The following SGMS1 variants were observed in gnomAD, a reference collection of about 807,000 sequenced individuals.
SGMS1 encodes phosphatidylcholine:ceramide cholinephosphotransferase 1.
In SGMS1, 13 loss-of-function variants were observed where a neutral mutation model predicts 46.2. The ratio of observed to expected loss-of-function variants is 0.28; its 90% CI spans 0.18 to 0.45. SGMS1 has a LOEUF of 0.45. SGMS1 is among the 20% of genes least tolerant of loss of function. The pLI is 1.00. For synonymous variants in SGMS1, 203 were observed against 187.8 expected, an observed-to-expected ratio of 1.08 and a Z score of -0.66; for missense variants, 324 against 519.9, an observed-to-expected ratio of 0.62 and a Z score of 3.66.
chr10:50,427,497 G>A (rs540737795), intron 6 of SGMS1, among the ~76,000 whole-genome samples: 3 of 152,292 alleles, frequency 2.0e-5, no homozygotes, highest in African/African-American at 7.2e-5. Context: ...ACTACAAATT[G>A]AGAACACAGC....
At chr10:50,430,916 AG>A (rs1210249643) in intron 6 of SGMS1, among the ~76,000 whole-genome samples, 1 of 152,066 alleles carries the variant, frequency 6.6e-6, no homozygotes, top group Non-Finnish European at 1.5e-5. Flanking sequence ...AACAAACATG[AG>A]TTTGTTGATA....
At chr10:50,524,821 G>C (rs1837887250) in intron 2 of SGMS1, among the ~76,000 whole-genome samples, 1 of 152,100 alleles carries the variant, frequency 6.6e-6, no homozygotes, top group African/African-American at 2.4e-5. Flanking sequence ...CCAGGCAAAA[G>C]GCCCAGAATG....
chr10:50,526,660 C>T (rs1180175309), intron 2 of SGMS1, among the ~76,000 whole-genome samples: 2 of 152,132 alleles, frequency 1.3e-5, no homozygotes, highest in African/African-American at 4.8e-5. Context: ...TTATTACTGC[C>T]AAATAATTTT....
At chr10:50,331,895 T>C (rs1431422655) in intron 7 of SGMS1, among the ~76,000 whole-genome samples, 1 of 152,174 alleles carries the variant, frequency 6.6e-6, no homozygotes, top group Non-Finnish European at 1.5e-5. Context: ...CCTCACTAGA[T>C]ACTAATCAGC....
At chr10:50,390,194 A>C (rs904123462) in intron 6 of SGMS1, among the ~76,000 whole-genome samples, 2 of 152,260 alleles carry the variant, frequency 1.3e-5, no homozygotes, top group Non-Finnish European at 2.9e-5. Context: ...CTACAAATAC[A>C]TGTAACGTCA....
chr10:50,459,652 C>A (rs1190721502), intron 5 of SGMS1, among the ~76,000 whole-genome samples: 1 of 152,214 alleles, frequency 6.6e-6, no homozygotes, highest in Non-Finnish European at 1.5e-5. Context: ...GATCTGCCCG[C>A]CTTGGTCTCC....
intron 2 of SGMS1, among the ~76,000 whole-genome samples, chr10:50,558,846 GAATAC>G (rs781378242): frequency 9.9e-5 from 15 of 152,178 alleles, no homozygotes; most frequent in Middle Eastern, 3.4e-3. Context: ...CCTACTGTAA[GAATAC>G]AATATGTAAT....
chr10:50,490,731 A>G (rs542901598), intron 3 of SGMS1, among the ~76,000 whole-genome samples: 1 of 152,266 alleles, frequency 6.6e-6, no homozygotes, highest in African/African-American at 2.4e-5. Flanking sequence ...CAACTTCTCC[A>G]ATTTCCTCAT....
At chr10:50,371,444 T>C (rs1848434554) in intron 6 of SGMS1, among the ~76,000 whole-genome samples, 1 of 152,242 alleles carries the variant, frequency 6.6e-6, no homozygotes, top group Non-Finnish European at 1.5e-5. Context: ...CATCTTTGAA[T>C]TATTGCAGTA....
At chr10:50,465,532 C>T (rs1444402675) in intron 4 of SGMS1, among the ~76,000 whole-genome samples, 1 of 151,954 alleles carries the variant, frequency 6.6e-6, no homozygotes, top group Non-Finnish European at 1.5e-5. Flanking sequence ...AAATTACAAA[C>T]CTGCTAGCAG....
intron 8 of SGMS1, among the ~76,000 whole-genome samples, chr10:50,320,410 C>T (rs368577944): frequency 4.5e-4 from 68 of 152,266 alleles, no homozygotes; most frequent in African/African-American, 1.5e-3. Context: ...CATTTGAATT[C>T]GTATCTGGCA....
At chr10:50,484,231 G>T (rs895340036) in intron 3 of SGMS1, among the ~76,000 whole-genome samples, 1 of 151,970 alleles carries the variant, frequency 6.6e-6, no homozygotes, top group Non-Finnish European at 1.5e-5. Flanking sequence ...TGACCCCAAA[G>T]AAATACAAAC....
intron 5 of SGMS1, among the ~76,000 whole-genome samples, chr10:50,444,269 G>A (rs563545425): frequency 6.6e-6 from 1 of 152,214 alleles, no homozygotes; most frequent in African/African-American, 2.4e-5. Context: ...AGATAAACAT[G>A]TAATAAAAGG....
chr10:50,479,439 A>C (rs1837456699), intron 3 of SGMS1, among the ~76,000 whole-genome samples: 1 of 152,194 alleles, frequency 6.6e-6, no homozygotes, highest in African/African-American at 2.4e-5. Context: ...GGCAAAACAG[A>C]AATCTAGCAA....
intron 6 of SGMS1, among the ~76,000 whole-genome samples, chr10:50,371,201 T>C (rs548190956): frequency 6.6e-6 from 1 of 152,356 alleles, no homozygotes; most frequent in African/African-American, 2.4e-5. Context: ...GGTTTTTTCA[T>C]CTGTGTTATA....
chr10:50,405,156 C>T (rs951317112), intron 6 of SGMS1, among the ~76,000 whole-genome samples: 5 of 152,168 alleles, frequency 3.3e-5, no homozygotes, highest in African/African-American at 4.8e-5. Context: ...GATGTACATG[C>T]ACCATTTTTA....
At chr10:50,534,386 G>A (rs1382421001) in intron 2 of SGMS1, among the ~76,000 whole-genome samples, 5 of 152,206 alleles carry the variant, frequency 3.3e-5, no homozygotes, top group Admixed American at 2.6e-4. Context: ...TCAAAGGAAT[G>A]TAAATTGAAC....
chr10:50,327,692 C>T (rs1351805345), intron 7 of SGMS1, among the ~76,000 whole-genome samples: 2 of 152,258 alleles, frequency 1.3e-5, no homozygotes, highest in East Asian at 1.9e-4. Context: ...TTTTTGCTGT[C>T]ATCAAAGGAA....
intron 3 of SGMS1, among the ~76,000 whole-genome samples, chr10:50,506,248 T>C (rs1214866683): frequency 6.6e-6 from 1 of 152,208 alleles, no homozygotes; most frequent in Non-Finnish European, 1.5e-5. Flanking sequence ...ATTTCTGTAA[T>C]TTAATGTCTG....
Sources: allele counts gnomAD v4.1 joint callset (sites outside exome capture counted in the v4.1 genomes callset), GRCh38; gene constraint gnomAD v4.1.1; transcripts MANE v1.5; gene names NCBI Gene and HGNC (gene_info 2026-07-23, HGNC 2026-07-21).